Variants in SMARCD2 observed in about 807,000 individuals in gnomAD.
The protein encoded by SMARCD2 is SWI/SNF-related matrix-associated actin-dependent regulator of chromatin subfamily D member 2.
A neutral mutation model predicts 70.4 loss-of-function variants in SMARCD2; 39 were observed. That is an observed-to-expected ratio of 0.55 (90% CI 0.43 to 0.72). The LOEUF is 0.72. Among genes scored for constraint, SMARCD2 ranks in the 30% least tolerant of loss-of-function variants. The pLI is 0.00. For synonymous variants in SMARCD2, 249 were observed against 279.4 expected (o/e 0.89, Z 1.08); for missense variants, 540 against 713.4 (o/e 0.76, Z 2.77).
In SMARCD2 at chr17:63,834,155, C is replaced by T. The variant is rs1287564307; in HGVS notation, c.1083+12G>A. 3 of 1,608,698 alleles carry T rather than the reference C, an allele frequency of 1.9e-6. No individual in the cohort carries two copies. Among genetic ancestry groups the T allele is most frequent in the Non-Finnish European group, 2.5e-6 (3 of 1,176,936 alleles). On this transcript the variant is annotated intron_variant, in intron 8 of 12. Transcript: ENST00000448276. The surrounding 1 kb of genome is among the most constrained non-coding windows in gnomAD (Gnocchi z 5.6). Reference sequence around the variant, plus strand: ...CAAGGGCTGAGAAAACGGGGGCTGGCATCTGGCTAACCTGGCGGAAGTAAC... The same window carrying T: ...CAAGGGCTGAGAAAACGGGGGCTGGTATCTGGCTAACCTGGCGGAAGTAAC...
chr17:63,839,568 CA>C (rs1308327123), intron 1 of SMARCD2, among the ~76,000 whole-genome samples: 1 of 119,348 alleles, frequency 8.4e-6, no homozygotes, highest in Non-Finnish European at 1.7e-5. Context: ...CCTCCCACTT[CA>C]AAAAACAAAA....
rs960502054 is a variant in SMARCD2 at position 63,834,404 on chromosome 17, G to T, written c.921+70C>A. ...GGAAAATAGGGCAGGGACAGGAAGG[G>T]TTTCTAGGAACCAGCTCCCCTCCTG... On this transcript the variant is annotated intron_variant, in intron 7 of 12. Coordinates refer to ENST00000448276, the MANE Select transcript of SMARCD2 (RefSeq NM_001098426.2). This position sits in a 1 kb window ranked among gnomAD's most constrained non-coding sequence, Gnocchi z 5.6. 6.4e-7 allele frequency: 1 copy of T among 1,570,320 alleles called. No homozygotes were observed.
At position 63,833,932 on chromosome 17, in the gene SMARCD2, G is replaced by C. The variant is rs2144626722; in HGVS notation, c.1158C>G (p.Pro386=). The change falls in exon 9 of 13, where the codon CCC becomes CCG. Residue 386 remains proline, a synonymous_variant. Transcript: ENST00000448276. This position sits in a 1 kb window ranked among gnomAD's most constrained non-coding sequence, Gnocchi z 4.3. ...ACCTAATGACATGGTTGATGACAATGGGGTCTGGATGCTGCAGCAACCCTG... is the reference window on the plus strand; with the variant it reads ...ACCTAATGACATGGTTGATGACAATCGGGTCTGGATGCTGCAGCAACCCTG... The part of the protein sequence containing the change: ...KLAGLLQHPD[P]IVINHVISVD... 5 of 1,612,748 alleles carry C rather than the reference G, an allele frequency of 3.1e-6. No homozygotes were observed. The highest frequency in any genetic ancestry group is 1.7e-6 in the Non-Finnish European group (2 of 1,178,712).
intron 4 of SMARCD2, 72 bp downstream of exon 4, chr17:63,836,850 G>C: frequency 6.6e-7 from 1 of 1,512,636 alleles, no homozygotes; most frequent in Non-Finnish European, 9.1e-7. Context: ...CAACTTGCTT[G>C]GCCCCTGGAA....
At position 63,834,019 on chromosome 17, in the gene SMARCD2, C is replaced by T. The variant is rs758840724; in HGVS notation, c.1084-13G>A. 3.2e-5 allele frequency: 51 copies of T among 1,611,048 alleles called. No homozygotes were observed. The highest frequency in any genetic ancestry group is 4.2e-5 in the Non-Finnish European group (49 of 1,177,356). ...CACAACTGAAGATCTGGAGGAAATA[C>T]GAAAGGCTCAGCGTTGGCTTGTGGG... On this transcript the variant is annotated splice_polypyrimidine_tract_variant and intron_variant, in intron 8 of 12. Transcript: ENST00000448276. This position sits in a 1 kb window ranked among gnomAD's most constrained non-coding sequence, Gnocchi z 5.6.
At position 63,842,608 on chromosome 17, in the gene SMARCD2, C is replaced by T; in HGVS notation, c.67G>A (p.Ala23Thr). ...PLSPGGGAVA[A>T]ALGAPPPPAG... ...GGGGGAGGCGGCGCTCCCAGGGCCG[C>T]AGCCACGGCGCCGCCGCCAGGGCTT... Residue 23 changes from alanine (A) to threonine (T), a missense_variant, in exon 1 of 13, where the codon GCG becomes ACG. By Grantham distance (58) the Ala-to-Thr change is moderately conservative. Coordinates refer to ENST00000448276, the MANE Select transcript of SMARCD2 (RefSeq NM_001098426.2). 2 of 1,224,614 alleles carry T rather than the reference C, an allele frequency of 1.6e-6. No individual in the cohort carries two copies. Among genetic ancestry groups the T allele is most frequent in the Non-Finnish European group, 1.0e-6 (1 of 983,782 alleles). The allele number at this position is 1,224,614 out of a possible 1,614,324, so 75.9% of individuals were successfully genotyped here. A position where few individuals can be genotyped will look rare whatever the true frequency, so the allele number is the denominator to read the frequency against.
chr17:63,834,387 G>A lies in SMARCD2; in HGVS notation c.922-59C>T. 1.3e-6 allele frequency: 2 copies of A among 1,582,122 alleles called. No homozygotes were observed. Among genetic ancestry groups the A allele is most frequent in the South Asian group, 1.1e-5 (1 of 88,886 alleles). ...CTTATAGTAGAACAGTGGGAAAATA[G>A]GGCAGGGACAGGAAGGGTTTCTAGG... On this transcript the variant is annotated intron_variant, in intron 7 of 12. Coordinates refer to ENST00000448276, the MANE Select transcript of SMARCD2 (RefSeq NM_001098426.2). The surrounding 1 kb of genome is among the most constrained non-coding windows in gnomAD (Gnocchi z 5.6).
At position 63,832,135 on chromosome 17, in the gene SMARCD2, G is replaced by GCCAAGCCCTAGGCCCACCCT. The variant is rs2040198445; in HGVS notation, c.*783_*802dup. On this transcript the variant is annotated 3_prime_UTR_variant, in exon 13 of 13. Transcript: ENST00000448276. ...TCCAAACCTGCCAGATGTGGCACTC[G>GCCAAGCCCTAGGCCCACCCT]CCAAGCCCTAGGCCCACCCTCCTCA... 1 of 718,468 alleles carries GCCAAGCCCTAGGCCCACCCT rather than the reference G, an allele frequency of 1.4e-6. No individual in the cohort carries two copies. Among genetic ancestry groups the GCCAAGCCCTAGGCCCACCCT allele is most frequent in the African/African-American group, 1.8e-5 (1 of 56,632 alleles). The allele number at this position is 718,468 out of a possible 1,614,324, so 44.5% of individuals were successfully genotyped here. A position where few individuals can be genotyped will look rare whatever the true frequency, so the allele number is the denominator to read the frequency against.
Position 63,834,066 on chromosome 17 carries a change from A to G in SMARCD2, c.1084-60T>C. On this transcript the variant is annotated intron_variant, in intron 8 of 12. Coordinates refer to ENST00000448276, the MANE Select transcript of SMARCD2 (RefSeq NM_001098426.2). The surrounding 1 kb of genome is among the most constrained non-coding windows in gnomAD (Gnocchi z 5.6). ...TGGGCACAGTGGAGTGGACCATTCCAGGACCAGTGAGGGCAGCAGTCTGCA... is the reference window on the plus strand; with the variant it reads ...TGGGCACAGTGGAGTGGACCATTCCGGGACCAGTGAGGGCAGCAGTCTGCA... 1.3e-6 allele frequency: 2 copies of G among 1,590,666 alleles called. No homozygotes were observed. The highest frequency in any genetic ancestry group is 2.2e-5 in the South Asian group (2 of 90,332).
chr17:63,842,559 C>A lies in SMARCD2; in HGVS notation c.116G>T (p.Gly39Val). The part of the protein sequence containing the change: ...PPPAGPGMLP[G>V]PALRGPGPAG... ...CGGACCCGGTCCCCGGAGCGCCGGT[C>A]CGGGCAGCATGCCGGGTCCCGCGGG... The change falls in exon 1 of 13, where the codon GGA becomes GTA. Residue 39 changes from glycine to valine, a missense_variant. Gly to Val is a moderately radical substitution (Grantham distance 109). Transcript: ENST00000448276. 8.3e-7 allele frequency: 1 copy of A among 1,205,928 alleles called. No individual in the cohort carries two copies. The highest frequency in any genetic ancestry group is 4.1e-5 in the South Asian group (1 of 24,432). 74.7% of individuals were successfully genotyped at this position (1,205,928 alleles called of 1,614,324 possible). A position where few individuals can be genotyped will look rare whatever the true frequency, so the allele number is the denominator to read the frequency against.
rs956449658 is a variant in SMARCD2 at position 63,833,223 on chromosome 17, C to T, written c.1441-53G>A. The T allele has an allele frequency of 6.2e-7, 1 of 1,609,702 alleles. No homozygotes were observed. Among genetic ancestry groups the T allele is most frequent in the African/African-American group, 1.3e-5 (1 of 74,820 alleles). On this transcript the variant is annotated intron_variant, in intron 11 of 12. Coordinates refer to ENST00000448276, the MANE Select transcript of SMARCD2 (RefSeq NM_001098426.2). This position sits in a 1 kb window ranked among gnomAD's most constrained non-coding sequence, Gnocchi z 4.3. The stretch of plus-strand genomic sequence containing the variant: ...GCATAATCCCCACCCCTGGGCTAAT[C>T]CACCCTGGGAACTGCTGTGGGTAAA...
intron 4 of SMARCD2, 125 bp from the exon 5 acceptor site, chr17:63,835,692 G>A: frequency 1.2e-6 from 1 of 811,458 alleles, no homozygotes; most frequent in East Asian, 2.7e-5. Flanking sequence ...CAGGCACCTT[G>A]TCAGGTACTG....
rs774250853 is a variant in SMARCD2, at chr17:63,833,563, A to C, written c.1317+24T>G. The stretch of plus-strand genomic sequence containing the variant: ...CCACCCCAATCCTGGGCCCCAGAGG[A>C]AGCTGTGGAGCCAGAGGGCCCACCT... On this transcript the variant is annotated intron_variant, in intron 10 of 12. Coordinates refer to ENST00000448276, the MANE Select transcript of SMARCD2 (RefSeq NM_001098426.2). The surrounding 1 kb of genome is among the most constrained non-coding windows in gnomAD (Gnocchi z 4.3). The C allele has an allele frequency of 4.0e-5, 65 of 1,613,730 alleles. 1 individual carries two copies. The South Asian group carries it at 6.6e-4, about 16-fold the overall frequency.
chr17:63,833,870 C>G lies in SMARCD2; in HGVS notation c.1181+39G>C. On this transcript the variant is annotated intron_variant, in intron 9 of 12. Transcript: ENST00000448276. The surrounding 1 kb of genome is among the most constrained non-coding windows in gnomAD (Gnocchi z 4.3). ...TTAGTTCAAGCCAAGGGTGAATCTG[C>G]TCTTAGAAGAGCCTTCCTGTCCCCC... 6.4e-7 allele frequency: 1 copy of G among 1,556,296 alleles called. No individual in the cohort carries two copies. The highest frequency in any genetic ancestry group is 8.9e-7 in the Non-Finnish European group (1 of 1,128,158).
chr17:63,836,602 G>T, intron 4 of SMARCD2: 6 of 191,852 alleles, frequency 3.1e-5, no homozygotes, highest in Non-Finnish European at 6.4e-5. Context: ...TCAAACTTTT[G>T]ACCACCACCC....
At chr17:63,842,232 G>T in intron 1 of SMARCD2, 1 of 664,066 alleles carries the variant, frequency 1.5e-6, no homozygotes, top group Non-Finnish European at 2.0e-6. Flanking sequence ...TGCCGCGGAA[G>T]CCCCCAGGCC....
rs1282846726 is a variant in SMARCD2 at position 63,837,605 on chromosome 17, C to T, written c.237G>A (p.Gly79=). 6.2e-7 allele frequency: 1 copy of T among 1,612,974 alleles called. No individual in the cohort carries two copies. Among genetic ancestry groups the T allele is most frequent in the Admixed American group, 1.7e-5 (1 of 59,912 alleles). ...AQYQRPGMSP[G]NRMPMAGLQV... is the part of the protein sequence containing the mutation. ...GCAAGCCAGCCATGGGCATCCGGTTCCCTGGTGACATGCCAGGTCGCTGGG... is the reference window on the plus strand; with the variant it reads ...GCAAGCCAGCCATGGGCATCCGGTTTCCTGGTGACATGCCAGGTCGCTGGG... The change falls in exon 2 of 13, where the codon GGG becomes GGA. Residue 79 remains glycine (G), a synonymous_variant. Coordinates refer to ENST00000448276, the MANE Select transcript of SMARCD2 (RefSeq NM_001098426.2). This position sits in a 1 kb window ranked among gnomAD's most constrained non-coding sequence, Gnocchi z 6.4.
chr17:63,838,015 TTC>T (rs1368699819), intron 1 of SMARCD2, among the ~76,000 whole-genome samples: 2 of 152,170 alleles, frequency 1.3e-5, no homozygotes, highest in Non-Finnish European at 2.9e-5. Context: ...CCTGCCCTCC[TTC>T]TCTTTCTCCC....
Position 63,835,485 on chromosome 17 carries a change from G to A in SMARCD2, c.650C>T (p.Thr217Ile). 2.5e-6 allele frequency: 4 copies of A among 1,613,982 alleles called. No individual in the cohort carries two copies. The South Asian group carries it at 3.3e-5, about 13-fold the overall frequency. The change falls in exon 5 of 13, where the codon ACC (threonine) becomes ATC (isoleucine). Residue 217 changes from threonine (T) to isoleucine (I), a missense_variant. Coordinates refer to ENST00000448276, the MANE Select transcript of SMARCD2 (RefSeq NM_001098426.2). ...AEGDSAGTAG[T>I]PGGTPAGDKV... ...GTCCCCTGCTGGGGTTCCCCCAGGG[G>A]TCCCTGCAGTTCCTGCACTATCGCC...
Sources: gnomAD v4.1 joint callset for allele counts (sites outside exome capture counted in the v4.1 genomes callset) on GRCh38, gnomAD v4.1.1 for gene constraint, Gnocchi (gnomAD v3.1) non-coding constraint, MANE v1.5 for transcripts, NCBI Gene and HGNC (gene_info 2026-07-23, HGNC 2026-07-21) for gene names.